PLEKHA6: variants seen among roughly 807,000 people sequenced by gnomAD.
PLEKHA6 encodes pleckstrin homology domain-containing family A member 6.
Under a neutral mutation model 116.7 loss-of-function variants are expected in PLEKHA6, and 60 were observed. The ratio of observed to expected loss-of-function variants is 0.51; its 90% CI spans 0.42 to 0.64. PLEKHA6 has a LOEUF of 0.64. PLEKHA6 is among the 30% of genes least tolerant of loss of function. The pLI, the probability that PLEKHA6 is intolerant of heterozygous loss-of-function variation, is 0.00. For synonymous variants in PLEKHA6, 489 were observed against 556.1 expected (o/e 0.88, Z 1.70); for missense variants, 1,338 against 1,422.7 (o/e 0.94, Z 0.96).
chr1:204,272,373 C>T (rs541552533), intron 3 of PLEKHA6, among the ~76,000 whole-genome samples: 1 of 152,268 alleles, frequency 6.6e-6, no homozygotes, highest in East Asian at 1.9e-4. Flanking sequence ...TACCTACTGG[C>T]CTGTTCCCCT....
intron 1 of PLEKHA6, among the ~76,000 whole-genome samples, chr1:204,335,032 A>G (rs1213222017): frequency 1.3e-5 from 2 of 152,116 alleles, no homozygotes; most frequent in African/African-American, 4.8e-5. Context: ...TCTAACTGAA[A>G]CTTTGTACCC....
chr1:204,316,139 A>G (rs965853367), intron 1 of PLEKHA6, among the ~76,000 whole-genome samples: 6 of 152,224 alleles, frequency 3.9e-5, no homozygotes, highest in African/African-American at 1.4e-4. Context: ...TCGTTGATCA[A>G]TGGATAAATG....
In PLEKHA6 at chr1:204,277,532, A is replaced by G. The variant is rs1441239115; in HGVS notation, c.-94-2723T>C. The G allele has an allele frequency of 6.6e-6, 1 of 152,070 alleles. No individual in the cohort carries two copies. The highest frequency in any genetic ancestry group is 1.9e-4 in the East Asian group (1 of 5,192). 9.4% of individuals were successfully genotyped at this position (152,070 alleles called of 1,614,324 possible). The stretch of plus-strand genomic sequence containing the variant: ...CCATGCCAGCCCGACCTGTAGGGAG[A>G]CAGTCCTCCTGCCTCCCCAATTCTC... On this transcript the variant is annotated intron_variant, in intron 1 of 22. Coordinates refer to ENST00000272203, the MANE Select transcript of PLEKHA6 (RefSeq NM_014935.5). The surrounding 1 kb of genome is among the most constrained non-coding windows in gnomAD (Gnocchi z 4.1).
chr1:204,272,180 G>C (rs1178143712), intron 3 of PLEKHA6, among the ~76,000 whole-genome samples: 1 of 152,122 alleles, frequency 6.6e-6, no homozygotes, highest in East Asian at 1.9e-4. Context: ...ACAAGTTGAG[G>C]ACATCATGTG....
chr1:204,325,215 TC>T (rs1001257094), intron 1 of PLEKHA6, among the ~76,000 whole-genome samples: 2 of 152,050 alleles, frequency 1.3e-5, no homozygotes, highest in African/African-American at 4.8e-5. Context: ...CAACGTTACT[TC>T]CCAGTTATCT....
At chr1:204,353,709 T>G (rs969268757) in intron 1 of PLEKHA6, among the ~76,000 whole-genome samples, 1 of 152,156 alleles carries the variant, frequency 6.6e-6, no homozygotes, top group South Asian at 2.1e-4. Flanking sequence ...TTATTCCCAT[T>G]TTAGAGATGA....
chr1:204,318,463 T>C (rs1306014617), intron 1 of PLEKHA6, among the ~76,000 whole-genome samples: 5 of 152,204 alleles, frequency 3.3e-5, no homozygotes, highest in African/African-American at 1.2e-4. Context: ...ACCACTGGAC[T>C]ACAGCGTCTG....
chr1:204,276,366 A>G (rs1224353294), intron 1 of PLEKHA6, among the ~76,000 whole-genome samples: 2 of 152,106 alleles, frequency 1.3e-5, no homozygotes, highest in African/African-American at 2.4e-5. Flanking sequence ...CCCAGGTCCA[A>G]CAAGGACACA....
At chr1:204,334,061 G>A (rs1216389074) in intron 1 of PLEKHA6, among the ~76,000 whole-genome samples, 2 of 152,182 alleles carry the variant, frequency 1.3e-5, no homozygotes, top group Non-Finnish European at 2.9e-5. Flanking sequence ...GGGGTGGCAA[G>A]GAAGAGAATC....
At chr1:204,344,891 C>T (rs1175766018) in intron 1 of PLEKHA6, among the ~76,000 whole-genome samples, 1 of 152,120 alleles carries the variant, frequency 6.6e-6, no homozygotes. Context: ...AAATCTAACC[C>T]AGGAAAAAAT....
intron 1 of PLEKHA6, among the ~76,000 whole-genome samples, chr1:204,300,982 G>A (rs953008127): frequency 2.0e-5 from 3 of 152,202 alleles, no homozygotes; most frequent in Admixed American, 6.5e-5. Flanking sequence ...TGCAAACTGC[G>A]ACCTGAACTG....
chr1:204,256,404 TG>T (rs1466181212), intron 9 of PLEKHA6, among the ~76,000 whole-genome samples: 1 of 152,058 alleles, frequency 6.6e-6, no homozygotes, highest in Non-Finnish European at 1.5e-5. Context: ...TCCCCAAAAG[TG>T]GCATTCCAGG....
chr1:204,239,527 C>T (rs1054272646), intron 17 of PLEKHA6, among the ~76,000 whole-genome samples: 5 of 152,164 alleles, frequency 3.3e-5, no homozygotes, highest in South Asian at 4.1e-4. Context: ...CATGGACTCA[C>T]GGAATGCCTT....
chr1:204,248,877 C>A lies in PLEKHA6; in HGVS notation c.1768G>T (p.Asp590Tyr), dbSNP rs1664149921. The change falls in exon 12 of 23, where the codon GAT becomes TAT. Residue 590 changes from aspartate (D) to tyrosine (Y), a missense_variant. Asp to Tyr is a radical substitution (Grantham distance 160, BLOSUM62 -3). This residue lies in a region of PLEKHA6 where 1,136 missense variants were observed against 1,163.6 expected (regional missense o/e 0.98). Coordinates refer to ENST00000272203, the MANE Select transcript of PLEKHA6 (RefSeq NM_014935.5). ...TTGATGAGCTGGTTCTGCAGTGAATCCTTTTTGTGTCGCAGCTTTTCTGGG... is the reference window on the plus strand; with the variant it reads ...TTGATGAGCTGGTTCTGCAGTGAATACTTTTTGTGTCGCAGCTTTTCTGGG... Reference protein sequence around the residue: ...AYPEKLRHKKDSLQNQLINIR... With the variant: ...AYPEKLRHKKYSLQNQLINIR... 1.9e-6 allele frequency: 3 copies of A among 1,614,162 alleles called. No individual in the cohort carries two copies. The highest frequency in any genetic ancestry group is 2.5e-6 in the Non-Finnish European group (3 of 1,180,026).
rs752397539 is a variant in PLEKHA6 at position 204,257,837 on chromosome 1, A to G, written c.1040T>C (p.Val347Ala). Residue 347 changes from valine (V) to alanine (A), a missense_variant, in exon 9 of 23, where the codon GTC becomes GCC. Physicochemically the swap from Val to Ala is moderately conservative, Grantham distance 64 (BLOSUM62 0). This residue lies in a region of PLEKHA6 where 1,136 missense variants were observed against 1,163.6 expected (regional missense o/e 0.98). Coordinates refer to ENST00000272203, the MANE Select transcript of PLEKHA6 (RefSeq NM_014935.5). The surrounding 1 kb of genome is among the most constrained non-coding windows in gnomAD (Gnocchi z 6.5). ...GGAGTAGGGGCCATAGTACTCAGGG[A>G]CCCTGCGAGACACAGGATAGAACCT... Reference protein sequence around the residue: ...PSRFYPVSRRVPEYYGPYSSQ... With the variant: ...PSRFYPVSRRAPEYYGPYSSQ... 6 of 1,613,314 alleles carry G rather than the reference A, an allele frequency of 3.7e-6. No individual in the cohort carries two copies. Among genetic ancestry groups the G allele is most frequent in the Non-Finnish European group, 5.1e-6 (6 of 1,179,530 alleles).
intron 1 of PLEKHA6, chr1:204,313,671 T>A (rs1208452200): frequency 1.0e-6 from 1 of 985,018 alleles, no homozygotes; most frequent in African/African-American, 1.7e-5. Context: ...CATCCTCAGG[T>A]GGCTGTCTTT....
At chr1:204,325,422 CTG>C (rs934216826) in intron 1 of PLEKHA6, among the ~76,000 whole-genome samples, 18 of 152,208 alleles carry the variant, frequency 1.2e-4, no homozygotes, top group African/African-American at 3.6e-4. Flanking sequence ...CTCAGGCACA[CTG>C]AGAAAAATTG....
chr1:204,312,217 G>A (rs879628354), intron 1 of PLEKHA6, among the ~76,000 whole-genome samples: 52 of 152,136 alleles, frequency 3.4e-4, no homozygotes, highest in African/African-American at 1.2e-3. Context: ...CATGACAGTC[G>A]ATCATCTCTG....
chr1:204,308,776 C>T (rs1285682787), intron 1 of PLEKHA6, among the ~76,000 whole-genome samples: 1 of 138,534 alleles, frequency 7.2e-6, no homozygotes. Flanking sequence ...GCAAGCTCCG[C>T]CTCCCGGGTT....
Sources: allele counts gnomAD v4.1 joint callset (sites outside exome capture counted in the v4.1 genomes callset), GRCh38; gene constraint gnomAD v4.1.1; regional missense constraint gnomAD v4.1.1; non-coding constraint Gnocchi (gnomAD v3.1); transcripts MANE v1.5; gene names NCBI Gene and HGNC (gene_info 2026-07-23, HGNC 2026-07-21).